SULT4A1: variants seen among roughly 807,000 people sequenced by gnomAD.
The protein encoded by SULT4A1 is sulfotransferase family 4A member 1.
SULT4A1 carries 11 observed loss-of-function variants against 35.2 expected under a neutral mutation model. That is an observed-to-expected ratio of 0.31 (90% CI 0.20 to 0.52). SULT4A1 has a LOEUF of 0.52. Among genes scored for constraint, SULT4A1 ranks in the 20% least tolerant of loss-of-function variants. The pLI is 0.97. For synonymous variants in SULT4A1, 152 were observed against 151.8 expected (o/e 1.00, Z -0.01); for missense variants, 271 against 383.7 (o/e 0.71, Z 2.45).
chr22:43,834,992 A>T (rs1471323646), intron 4 of SULT4A1, among the ~76,000 whole-genome samples: 1 of 36,930 alleles, frequency 2.7e-5, no homozygotes, highest in Non-Finnish European at 4.8e-5. Context: ...CGCTGCCCTG[A>T]GCTTCCCGCA....
chr22:43,835,360 T>A (rs1456827247), intron 4 of SULT4A1, among the ~76,000 whole-genome samples: 1 of 152,144 alleles, frequency 6.6e-6, no homozygotes, highest in Non-Finnish European at 1.5e-5. Flanking sequence ...GAGCAAGGCG[T>A]CAGTTAAGGA....
chr22:43,854,884 C>A (rs1603409910), intron 1 of SULT4A1, among the ~76,000 whole-genome samples: 1 of 152,222 alleles, frequency 6.6e-6, no homozygotes, highest in Non-Finnish European at 1.5e-5. Flanking sequence ...TACGAAAGCA[C>A]ACCCGCTCAC....
chr22:43,827,496 G>T (rs954866362), intron 6 of SULT4A1: 5 of 1,322,952 alleles, frequency 3.8e-6, no homozygotes, highest in East Asian at 4.9e-5. Flanking sequence ...CTGAGAGCTC[G>T]TCAGAGGAGT....
chr22:43,840,755 G>A lies in SULT4A1; in HGVS notation c.301-730C>T, dbSNP rs1000646241. Among the ~76,000 whole-genome samples the A allele has an allele frequency of 1.5e-4, 23 of 152,324 alleles. 1 individual carries two copies. Among genetic ancestry groups the A allele is most frequent in the African/African-American group, 4.8e-4 (20 of 41,572 alleles). On this transcript the variant is annotated intron_variant, in intron 2 of 6. Coordinates refer to ENST00000330884, the MANE Select transcript of SULT4A1 (RefSeq NM_014351.4). ...GCACCGTGCTCTCTGCTCAGAGCCC[G>A]TCTTCCCAGCTGCCCTAGGAATGGG... is the stretch of plus-strand genomic sequence containing the variant.
chr22:43,829,742 C>T (rs1000608732), intron 5 of SULT4A1, among the ~76,000 whole-genome samples: 8 of 152,190 alleles, frequency 5.3e-5, no homozygotes, highest in East Asian at 1.9e-4. Flanking sequence ...TGTGGCTAAC[C>T]GTCTTGAGGG....
At chr22:43,849,898 T>C (rs1475506354) in intron 1 of SULT4A1, among the ~76,000 whole-genome samples, 5 of 152,214 alleles carry the variant, frequency 3.3e-5, no homozygotes, top group Non-Finnish European at 5.9e-5. Context: ...GAAAACTTCC[T>C]CTGAACCCCA....
intron 1 of SULT4A1, among the ~76,000 whole-genome samples, chr22:43,855,643 G>A (rs2049393674): frequency 1.3e-5 from 2 of 152,050 alleles, no homozygotes; most frequent in Admixed American, 6.5e-5. Context: ...CTAGGAGCCC[G>A]CTCCCTGCTA....
chr22:43,859,084 C>G (rs549913823), intron 1 of SULT4A1, among the ~76,000 whole-genome samples: 1 of 152,296 alleles, frequency 6.6e-6, no homozygotes, highest in African/African-American at 2.4e-5. Context: ...TCACCATCAC[C>G]TCATGCCCAG....
rs571234655 is a variant in SULT4A1 at position 43,830,552 on chromosome 22, G to A, written c.604-1354C>T. ...GCCACACATTCCCCATCTGGAACTA[G>A]CGACAGGGCCGCAGCAAGAGGCCGC... is the stretch of plus-strand genomic sequence containing the variant. On this transcript the variant is annotated intron_variant, in intron 5 of 6. Transcript: ENST00000330884. Among the ~76,000 whole-genome samples the A allele has an allele frequency of 5.9e-5, 9 of 152,370 alleles. No individual in the cohort carries two copies. In the South Asian group the frequency reaches 1.9e-3, roughly 32 times the overall value.
intron 1 of SULT4A1, among the ~76,000 whole-genome samples, chr22:43,843,212 C>T (rs1480973732): frequency 2.0e-5 from 3 of 152,170 alleles, no homozygotes; most frequent in East Asian, 1.9e-4. Context: ...GCCAGAAGTT[C>T]GAGACCAGCC....
intron 1 of SULT4A1, among the ~76,000 whole-genome samples, chr22:43,852,342 T>G (rs1470417763): frequency 1.6e-5 from 2 of 124,352 alleles, no homozygotes; most frequent in South Asian, 7.5e-4. Context: ...TAGGTTTTTT[T>G]TTGTTGTTTT....
Position 43,841,919 on chromosome 22 carries a change from C to A in SULT4A1, c.183G>T (p.Leu61=). ...GGCTCACCAAGTAGACCACCTCCTG[C>A]AGCAAGCTGGTGCCTGGAGGGGAGA... is the stretch of plus-strand genomic sequence containing the variant. ...VTYPKSGTSL[L]QEVVYLVSQG... is the part of the protein sequence containing the mutation. The change falls in exon 2 of 7, where the codon CTG becomes CTT. Residue 61 remains leucine, a synonymous_variant. Transcript: ENST00000330884. 2 of 1,613,340 alleles carry A rather than the reference C, an allele frequency of 1.2e-6. No homozygotes were observed. Among genetic ancestry groups the A allele is most frequent in the South Asian group, 1.1e-5 (1 of 91,040 alleles).
At chr22:43,833,558 C>T (rs2063340064) in intron 5 of SULT4A1, 82 bp downstream of exon 5, 1 of 1,144,166 alleles carries the variant, frequency 8.7e-7, no homozygotes, top group African/African-American at 1.5e-5. Context: ...TCCCACACGC[C>T]CACTGTAAAG....
At chr22:43,839,903 G>A (rs1381565959) in intron 3 of SULT4A1, 42 bp downstream of exon 3, 1 of 1,559,530 alleles carries the variant, frequency 6.4e-7, no homozygotes, top group Non-Finnish European at 8.7e-7. Flanking sequence ...GGCTCCTCTT[G>A]GTGGGGACTC....
rs2063282398 is a variant in SULT4A1 at position 43,825,752 on chromosome 22, A to G, written c.*249T>C. On this transcript the variant is annotated 3_prime_UTR_variant, in exon 7 of 7. Coordinates refer to ENST00000330884, the MANE Select transcript of SULT4A1 (RefSeq NM_014351.4). The stretch of plus-strand genomic sequence containing the variant: ...ATTACAGGCTTTATCCTTACGGTCC[A>G]GGCCATTGGAACTGCAATGTGGAGA... The G allele has an allele frequency of 2.3e-6, 1 of 444,256 alleles. No individual in the cohort carries two copies. The highest frequency in any genetic ancestry group is 4.1e-5 in the Admixed American group (1 of 24,600). 27.5% of individuals were successfully genotyped at this position (444,256 alleles called of 1,614,324 possible).
chr22:43,846,025 G>T (rs890860820), intron 1 of SULT4A1, among the ~76,000 whole-genome samples: 2 of 152,134 alleles, frequency 1.3e-5, no homozygotes, highest in African/African-American at 4.8e-5. Context: ...GCTTTAACAT[G>T]GAAGTCAGAC....
intron 1 of SULT4A1, among the ~76,000 whole-genome samples, chr22:43,845,321 T>C (rs1464971518): frequency 6.6e-6 from 1 of 151,458 alleles, no homozygotes; most frequent in Non-Finnish European, 1.5e-5. Context: ...CTCCAGTACC[T>C]CACCCGCTGC....
In SULT4A1 at chr22:43,829,217, G is replaced by A; in HGVS notation, c.604-19C>T. Reference sequence around the variant, plus strand: ...CCAGGTCCTGGAAGACAAGTGCAGAGAGCAGAGCAGCCCATCAGAGGCGGG... The same window carrying A: ...CCAGGTCCTGGAAGACAAGTGCAGAAAGCAGAGCAGCCCATCAGAGGCGGG... On this transcript the variant is annotated intron_variant, in intron 5 of 6. Coordinates refer to ENST00000330884, the MANE Select transcript of SULT4A1 (RefSeq NM_014351.4). The A allele has an allele frequency of 6.5e-7, 1 of 1,535,914 alleles. No homozygotes were observed. Among genetic ancestry groups the A allele is most frequent in the African/African-American group, 1.4e-5 (1 of 72,808 alleles).
chr22:43,827,755 C>CCACACACA (rs3223292), intron 6 of SULT4A1: 16,685 of 327,172 alleles, frequency 0.051, 468 homozygotes, highest in African/African-American at 0.077. Flanking sequence ...CGCTGCTTCA[C>CCACACACA]CACACACACA....
Sources: gnomAD v4.1 joint callset for allele counts (sites outside exome capture counted in the v4.1 genomes callset) on GRCh38, gnomAD v4.1.1 for gene constraint, MANE v1.5 for transcripts, NCBI Gene and HGNC (gene_info 2026-07-23, HGNC 2026-07-21) for gene names.